TAB3: variants seen among roughly 807,000 people sequenced by gnomAD.
The protein encoded by TAB3 is TGF-beta activated kinase 1 (MAP3K7) binding protein 3, also known as TGF-beta-activated kinase 1 and MAP3K7-binding protein 3.
A neutral mutation model predicts 48.1 loss-of-function variants in TAB3; 18 were observed. The ratio of observed to expected loss-of-function variants is 0.37; its 90% CI spans 0.26 to 0.55. TAB3 has a LOEUF of 0.55. TAB3 is among the 20% of genes least tolerant of loss of function. The pLI is 0.78. For synonymous variants in TAB3, 185 were observed against 190.2 expected, an observed-to-expected ratio of 0.97 and a Z score of 0.22; for missense variants, 414 against 549.8, an observed-to-expected ratio of 0.75 and a Z score of 2.47.
intron 1 of TAB3, among the ~76,000 whole-genome samples, chrX:30,878,022 T>C (rs1395812822): frequency 8.9e-6 from 1 of 112,513 alleles, no homozygotes; most frequent in African/African-American, 3.2e-5. Context: ...AGAAAAAGGA[T>C]CACTAGAGTT....
chrX:30,852,766 C>T lies in TAB3; in HGVS notation c.1710+12G>A. On this transcript the variant is annotated intron_variant, in intron 7 of 10. Transcript: ENST00000288422. Reference sequence around the variant, plus strand: ...CGACCCTCCTATTAACACATCCTAACAGATCACTTACCGTAGGGATCGCAG... The same window carrying T: ...CGACCCTCCTATTAACACATCCTAATAGATCACTTACCGTAGGGATCGCAG... 8.3e-7 allele frequency: 1 copy of T among 1,207,255 alleles called. No individual in the cohort carries two copies.
At chrX:30,848,099 CG>C (rs35873601) in intron 7 of TAB3, among the ~76,000 whole-genome samples, 1 of 112,034 alleles carries the variant, frequency 8.9e-6, no homozygotes, top group African/African-American at 3.2e-5. Context: ...AAGAACCTGT[CG>C]GGAAAGTCAA....
chrX:30,859,661 T>TA lies in TAB3; in HGVS notation c.-74dup. On this transcript the variant is annotated 5_prime_UTR_variant, in exon 5 of 11. An upstream open reading frame in the 5' UTR loses its in-frame stop. Coordinates refer to ENST00000288422, the MANE Select transcript of TAB3 (RefSeq NM_152787.5). ...CGGCTTTCCAAAAGTAATGATCTTC[T>TA]AGCACCACAGTCATTTTCTATTTAA... 1.6e-6 allele frequency: 1 copy of TA among 634,845 alleles called. No individual in the cohort carries two copies. Among genetic ancestry groups the TA allele is most frequent in the Non-Finnish European group, 2.5e-6 (1 of 405,997 alleles). The allele number at this position is 634,845 out of a possible 1,213,427, so 52.3% of individuals were successfully genotyped here. A position where few individuals can be genotyped will look rare whatever the true frequency, so the allele number is the denominator to read the frequency against.
intron 1 of TAB3, among the ~76,000 whole-genome samples, chrX:30,887,803 C>T (rs1366328707): frequency 1.8e-5 from 2 of 112,327 alleles, no homozygotes; most frequent in African/African-American, 3.2e-5. Flanking sequence ...TTCAGGGTGA[C>T]TGAATGCAGA....
intron 1 of TAB3, among the ~76,000 whole-genome samples, chrX:30,888,833 G>A (rs946439236): frequency 8.9e-6 from 1 of 112,440 alleles, no homozygotes; most frequent in Non-Finnish European, 1.9e-5. Flanking sequence ...CTCCGTTTGG[G>A]GGACCAAGGC....
intron 1 of TAB3, among the ~76,000 whole-genome samples, chrX:30,878,940 G>A (rs2147408633): frequency 8.9e-6 from 1 of 111,895 alleles, no homozygotes; most frequent in South Asian, 3.7e-4. Flanking sequence ...ATGATGGGAT[G>A]CAGGTAAAGC....
chrX:30,878,099 A>G (rs1939888794), intron 1 of TAB3, among the ~76,000 whole-genome samples: 1 of 112,546 alleles, frequency 8.9e-6, no homozygotes, highest in South Asian at 3.7e-4. Flanking sequence ...CTAAATTTGT[A>G]TGCAGTTGAT....
intron 10 of TAB3, 21 bp downstream of exon 10, chrX:30,834,028 ACT>A (rs1423487746): frequency 5.9e-6 from 7 of 1,177,886 alleles, no homozygotes; most frequent in African/African-American, 3.5e-5. Context: ...TTCTGCACAA[ACT>A]CTGGACACAC....
intron 1 of TAB3, among the ~76,000 whole-genome samples, chrX:30,881,510 G>T (rs1336905334): frequency 9.0e-6 from 1 of 111,280 alleles, no homozygotes; most frequent in African/African-American, 3.3e-5. Flanking sequence ...TATACAAGAG[G>T]TGTCAAACCA....
intron 7 of TAB3, among the ~76,000 whole-genome samples, chrX:30,848,850 T>C (rs1272186742): frequency 9.1e-6 from 1 of 110,153 alleles, no homozygotes; most frequent in Non-Finnish European, 1.9e-5. Context: ...CTGATGTTCT[T>C]TGGTGGCTGG....
At chrX:30,878,539 C>T (rs1205969885) in intron 1 of TAB3, among the ~76,000 whole-genome samples, 1 of 99,152 alleles carries the variant, frequency 1.0e-5, no homozygotes, top group Non-Finnish European at 2.1e-5. Flanking sequence ...AAAGATATCT[C>T]TCTCAGTAGT....
At chrX:30,881,556 G>C (rs1463266215) in intron 1 of TAB3, among the ~76,000 whole-genome samples, 1 of 111,454 alleles carries the variant, frequency 9.0e-6, no homozygotes. Context: ...ATATTGGTTT[G>C]AAACTATTTG....
intron 1 of TAB3, among the ~76,000 whole-genome samples, chrX:30,875,279 C>T (rs752321807): frequency 2.7e-5 from 3 of 112,317 alleles, no homozygotes; most frequent in South Asian, 3.7e-4. Context: ...GGACGACAGA[C>T]GAGTTACTTA....
At chrX:30,862,440 T>C (rs190298173) in intron 4 of TAB3, among the ~76,000 whole-genome samples, 2 of 111,633 alleles carry the variant, frequency 1.8e-5, no homozygotes, top group Non-Finnish European at 3.8e-5. Flanking sequence ...GGCAATACCA[T>C]TGTCTTTTTT....
chrX:30,834,928 G>C (rs1938149033), intron 9 of TAB3: 1 of 112,330 alleles, frequency 8.9e-6, no homozygotes, highest in African/African-American at 3.3e-5. Context: ...CACTGTGTCT[G>C]GTGGATTTTT....
rs1410557148 is a variant in TAB3, at chrX:30,868,312, T to TATATATA, written c.-279-764_-279-763insTATATAT. Among the ~76,000 whole-genome samples the TATATATA allele has an allele frequency of 5.8e-3, 14 of 2,412 alleles. 6 individuals carry two copies. The highest frequency in any genetic ancestry group is 0.015 in the African/African-American group (14 of 933). 2.1% of individuals were successfully genotyped at this position (2,412 alleles called of 115,157 possible). On this transcript the variant is annotated intron_variant, in intron 2 of 10. Transcript: ENST00000288422. ...TTTAGTGAAAAGCTATATATATATA[T>TATATATA]AGCTTATATATATATATATATAAGC...
Position 30,854,994 on chromosome X carries a change from T to C in TAB3, c.671A>G (p.Tyr224Cys), listed in dbSNP as rs1053652151. The change falls in exon 6 of 11, where the codon TAT becomes TGT. Residue 224 changes from tyrosine (Y) to cysteine (C), a missense_variant. By Grantham distance (194) the Tyr-to-Cys change is radical. Coordinates refer to ENST00000288422, the MANE Select transcript of TAB3 (RefSeq NM_152787.5). ...QILPQIPSNL[Y>C]GSPGSIYIRQ... ...AATATAAATAGAACCAGGAGACCCATAGAGATTGCTTGGAATTTGTGGAAG... is the reference window on the plus strand; with the variant it reads ...AATATAAATAGAACCAGGAGACCCACAGAGATTGCTTGGAATTTGTGGAAG... 4.5e-5 allele frequency: 55 copies of C among 1,208,890 alleles called. No homozygotes were observed. The highest frequency in any genetic ancestry group is 5.9e-5 in the Non-Finnish European group (53 of 894,615).
At chrX:30,879,676 G>A (rs1389676623) in intron 1 of TAB3, among the ~76,000 whole-genome samples, 1 of 111,010 alleles carries the variant, frequency 9.0e-6, no homozygotes, top group African/African-American at 3.3e-5. Flanking sequence ...TTCCTTTCAA[G>A]AAAGGAAAAA....
At chrX:30,853,360 T>G (rs1938931674) in intron 6 of TAB3, among the ~76,000 whole-genome samples, 1 of 112,904 alleles carries the variant, frequency 8.9e-6, no homozygotes, top group Admixed American at 9.4e-5. Context: ...GCTAATCCAG[T>G]AATTCCACTT....
Sources: allele counts gnomAD v4.1 joint callset (sites outside exome capture counted in the v4.1 genomes callset), GRCh38; gene constraint gnomAD v4.1.1; transcripts MANE v1.5; gene names NCBI Gene and HGNC (gene_info 2026-07-23, HGNC 2026-07-21).